C16orf86: variants seen among roughly 807,000 people sequenced by gnomAD.
The protein encoded by C16orf86 is chromosome 16 open reading frame 86, also known as uncharacterized protein C16orf86.
Under a neutral mutation model 21.5 loss-of-function variants are expected in C16orf86, and 19 were observed. The ratio of observed to expected loss-of-function variants is 0.88; its 90% CI spans 0.62 to 1.30. The LOEUF is 1.30. Among genes scored for constraint, C16orf86 ranks in the 50% most tolerant of loss-of-function variants. The pLI is 0.00. For synonymous variants in C16orf86, 188 were observed against 183.5 expected (o/e 1.02, Z -0.20); for missense variants, 391 against 415.8 (o/e 0.94, Z 0.52).
In C16orf86 at chr16:67,667,385, G is replaced by A. The variant is rs1003259727; in HGVS notation, c.192G>A (p.Ser64=). The A allele has an allele frequency of 1.2e-6, 2 of 1,612,678 alleles. No homozygotes were observed. The highest frequency in any genetic ancestry group is 1.1e-5 in the South Asian group (1 of 91,090). ...ACCAGCGCCCAGCAGGCGCAGCTTC[G>A]GAGTCGGAGCTCCAGGAGGAAGGAC... The part of the protein sequence containing the change: ...SEDQRPAGAA[S]ESELQEEGPK... Residue 64 remains serine (S), a synonymous_variant, in exon 2 of 4, where the codon TCG becomes TCA. Transcript: ENST00000403458.
rs2053118847 is a variant in C16orf86, at chr16:67,667,430, G to T, written c.237G>T (p.Arg79=). The T allele has an allele frequency of 1.9e-6, 3 of 1,611,824 alleles. No individual in the cohort carries two copies. The highest frequency in any genetic ancestry group is 3.3e-5 in the Admixed American group (2 of 59,902). Residue 79 remains arginine, a synonymous_variant, in exon 2 of 4, where the codon CGG becomes CGT. Transcript: ENST00000403458. ...AAGGACCCAAGCTGGGGGAGGAGCG[G>T]CCCAAGCCGCATGCCGGGGCGCTAG... ...QEEGPKLGEE[R]PKPHAGALEE... is the part of the protein sequence containing the mutation.
chr16:67,667,496 C>A lies in C16orf86; in HGVS notation c.303C>A (p.Pro101=), dbSNP rs1429028043. The part of the protein sequence containing the change: ...GPRPVVSIVR[P]RHGPKRKPVK... The stretch of plus-strand genomic sequence containing the variant: ...GGCCCGTGGTCTCCATTGTGAGGCC[C>A]CGTCATGGTCCAAAGAGAAAGCCTG... Residue 101 remains proline, a synonymous_variant, in exon 2 of 4, where the codon CCC becomes CCA. Coordinates refer to ENST00000403458, the MANE Select transcript of C16orf86 (RefSeq NM_001012984.3). The A allele has an allele frequency of 6.2e-7, 1 of 1,607,348 alleles. No individual in the cohort carries two copies. The highest frequency in any genetic ancestry group is 1.7e-5 in the Admixed American group (1 of 59,028).
chr16:67,668,235 G>C lies in C16orf86; in HGVS notation c.589G>C (p.Val197Leu), dbSNP rs369814761. The C allele has an allele frequency of 6.3e-6, 10 of 1,593,466 alleles. No homozygotes were observed. Among genetic ancestry groups the C allele is most frequent in the African/African-American group, 1.3e-5 (1 of 74,610 alleles). The stretch of plus-strand genomic sequence containing the variant: ...GCGCCTGCGGCCGCTGTACCAGTAC[G>C]TCAACTATTGCAACCCTGAGCTGAA... ...AQRLRPLYQY[V>L]NYCNPELNQA... The change falls in exon 4 of 4, where the codon GTC becomes CTC. Residue 197 changes from valine to leucine, a missense_variant. Val to Leu is a conservative substitution (Grantham distance 32, BLOSUM62 1). Coordinates refer to ENST00000403458, the MANE Select transcript of C16orf86 (RefSeq NM_001012984.3).
intron 3 of C16orf86, 35 bp downstream of exon 3, chr16:67,668,133 C>T: frequency 1.9e-6 from 3 of 1,599,350 alleles, no homozygotes; most frequent in Non-Finnish European, 2.6e-6. Flanking sequence ...CCTTCTCCCC[C>T]TGCCTGTGGG....
rs1370486372 is a variant in C16orf86, at chr16:67,668,391, G to A, written c.745G>A (p.Ala249Thr). The change falls in exon 4 of 4, where the codon GCT (alanine) becomes ACT (threonine). Residue 249 changes from alanine to threonine, a missense_variant. Transcript: ENST00000403458. The part of the protein sequence containing the change: ...PLAGELGPGL[A>T]LPCPSPLVTP... ...GGCAGGTGAGCTGGGCCCAGGCCTC[G>A]CTTTGCCCTGTCCCAGTCCACTAGT... The A allele has an allele frequency of 1.2e-6, 2 of 1,612,408 alleles. No individual in the cohort carries two copies. The highest frequency in any genetic ancestry group is 1.3e-5 in the African/African-American group (1 of 74,934).
Position 67,667,465 on chromosome 16 carries a change from G to T in C16orf86, c.272G>T (p.Gly91Val), listed in dbSNP as rs765814577. The T allele has an allele frequency of 6.2e-7, 1 of 1,610,858 alleles. No homozygotes were observed. The highest frequency in any genetic ancestry group is 1.1e-5 in the South Asian group (1 of 90,914). ...KPHAGALEER[G>V]PRPVVSIVRP... ...CATGCCGGGGCGCTAGAGGAGAGAGGCCCCAGGCCCGTGGTCTCCATTGTG... is the reference window on the plus strand; with the variant it reads ...CATGCCGGGGCGCTAGAGGAGAGAGTCCCCAGGCCCGTGGTCTCCATTGTG... The change falls in exon 2 of 4, where the codon GGC (glycine) becomes GTC (valine). Residue 91 changes from glycine to valine, a missense_variant. Transcript: ENST00000403458.
At position 67,666,960 on chromosome 16, in the gene C16orf86, C is replaced by T; in HGVS notation, c.-11C>T. Reference sequence around the variant, plus strand: ...AAGCAGCTGTCGAGGACGCACTCAGCCTGCGCAGCCATGGCCTCGGCAGGG... The same window carrying T: ...AAGCAGCTGTCGAGGACGCACTCAGTCTGCGCAGCCATGGCCTCGGCAGGG... On this transcript the variant is annotated 5_prime_UTR_variant, in exon 1 of 4. Transcript: ENST00000403458. 7.0e-7 allele frequency: 1 copy of T among 1,438,342 alleles called. No individual in the cohort carries two copies. Among genetic ancestry groups the T allele is most frequent in the South Asian group, 1.5e-5 (1 of 68,422 alleles). The allele number at this position is 1,438,342 out of a possible 1,614,324, so 89.1% of individuals were successfully genotyped here.
chr16:67,667,014 C>A lies in C16orf86; in HGVS notation c.44C>A (p.Ala15Glu). The change falls in exon 1 of 4, where the codon GCG becomes GAG. Residue 15 changes from alanine (A) to glutamate (E), a missense_variant. Transcript: ENST00000403458. ...GAGAGGCGGCCGGGGGTCCAGGAGGCGACGGTCGTGGGGCAGGGACAGCTC... is the reference window on the plus strand; with the variant it reads ...GAGAGGCGGCCGGGGGTCCAGGAGGAGACGGTCGTGGGGCAGGGACAGCTC... Reference protein sequence around the residue: ...GAERRPGVQEATVVGQGQLTE... With the variant: ...GAERRPGVQEETVVGQGQLTE... 1.0e-5 allele frequency: 15 copies of A among 1,451,756 alleles called. No individual in the cohort carries two copies. Among genetic ancestry groups the A allele is most frequent in the Non-Finnish European group, 1.4e-5 (15 of 1,109,720 alleles). 89.9% of individuals were successfully genotyped at this position (1,451,756 alleles called of 1,614,324 possible).
Position 67,668,250 on chromosome 16 carries a change from C to A in C16orf86, c.604C>A (p.Pro202Thr). Residue 202 changes from proline to threonine, a missense_variant, in exon 4 of 4, where the codon CCT becomes ACT. Physicochemically the swap from Pro to Thr is conservative, Grantham distance 38 (BLOSUM62 -1). Coordinates refer to ENST00000403458, the MANE Select transcript of C16orf86 (RefSeq NM_001012984.3). ...GTACCAGTACGTCAACTATTGCAAC[C>A]CTGAGCTGAACCAGGCAGGGAAGGG... ...PLYQYVNYCN[P>T]ELNQAGKGDG... The A allele has an allele frequency of 6.2e-7, 1 of 1,603,232 alleles. No individual in the cohort carries two copies. Among genetic ancestry groups the A allele is most frequent in the South Asian group, 1.1e-5 (1 of 89,414 alleles).
chr16:67,668,640 G>T lies in C16orf86; in HGVS notation c.*40G>T, dbSNP rs774134979. On this transcript the variant is annotated 3_prime_UTR_variant, in exon 4 of 4. Coordinates refer to ENST00000403458, the MANE Select transcript of C16orf86 (RefSeq NM_001012984.3). Reference sequence around the variant, plus strand: ...TGGTGGCTCCCCTCCTTCCACGCCTGAATTTGGCTTCAGGCTTCCTGTGGG... The same window carrying T: ...TGGTGGCTCCCCTCCTTCCACGCCTTAATTTGGCTTCAGGCTTCCTGTGGG... The T allele has an allele frequency of 6.2e-7, 1 of 1,602,658 alleles. No individual in the cohort carries two copies. The highest frequency in any genetic ancestry group is 8.5e-7 in the Non-Finnish European group (1 of 1,171,820).
Position 67,668,677 on chromosome 16 carries a change from T to A in C16orf86, c.*77T>A. The A allele has an allele frequency of 2.9e-6, 4 of 1,387,056 alleles. No individual in the cohort carries two copies. The highest frequency in any genetic ancestry group is 3.0e-6 in the Non-Finnish European group (3 of 994,302). 85.9% of individuals were successfully genotyped at this position (1,387,056 alleles called of 1,614,324 possible). ...AGGCTTCCTGTGGGCCTAGGCCCTC[T>A]GGTGGCGGGGGCAAATTTGGCACCT... On this transcript the variant is annotated 3_prime_UTR_variant, in exon 4 of 4. Coordinates refer to ENST00000403458, the MANE Select transcript of C16orf86 (RefSeq NM_001012984.3).
In C16orf86 at chr16:67,668,044, C is replaced by T; in HGVS notation, c.499C>T (p.Leu167Phe). 1.2e-6 allele frequency: 2 copies of T among 1,612,838 alleles called. No individual in the cohort carries two copies. The highest frequency in any genetic ancestry group is 2.2e-5 in the East Asian group (1 of 44,762). ...KKRKSLGAPV[L>F]HAVASMVSAP... ...GCGCAAGAGCCTGGGGGCTCCCGTGCTCCACGCTGTGGCCAGCATGGTGTC... is the reference window on the plus strand; with the variant it reads ...GCGCAAGAGCCTGGGGGCTCCCGTGTTCCACGCTGTGGCCAGCATGGTGTC... Residue 167 changes from leucine to phenylalanine, a missense_variant, in exon 3 of 4, where the codon CTC becomes TTC. Physicochemically the swap from Leu to Phe is conservative, Grantham distance 22. Coordinates refer to ENST00000403458, the MANE Select transcript of C16orf86 (RefSeq NM_001012984.3).
rs199672124 is a variant in C16orf86, at chr16:67,667,994, C to G, written c.449C>G (p.Ala150Gly). 6.2e-7 allele frequency: 1 copy of G among 1,613,600 alleles called. No individual in the cohort carries two copies. Among genetic ancestry groups the G allele is most frequent in the African/African-American group, 1.3e-5 (1 of 75,076 alleles). The change falls in exon 3 of 4, where the codon GCC becomes GGC. Residue 150 changes from alanine to glycine, a missense_variant. Coordinates refer to ENST00000403458, the MANE Select transcript of C16orf86 (RefSeq NM_001012984.3). Reference sequence around the variant, plus strand: ...AGCCAGAGTGAGCCCTCACCATCTGCCAAACAGCACAAAAAAGCCAAGAAG... The same window carrying G: ...AGCCAGAGTGAGCCCTCACCATCTGGCAAACAGCACAAAAAAGCCAAGAAG... ...EDSQSEPSPS[A>G]KQHKKAKKRK...
Position 67,668,263 on chromosome 16 carries a change from A to C in C16orf86, c.617A>C (p.Gln206Pro). The change falls in exon 4 of 4, where the codon CAG (glutamine) becomes CCG (proline). Residue 206 changes from glutamine (Q) to proline (P), a missense_variant. Gln to Pro is a moderately conservative substitution (Grantham distance 76). Coordinates refer to ENST00000403458, the MANE Select transcript of C16orf86 (RefSeq NM_001012984.3). ...AACTATTGCAACCCTGAGCTGAACC[A>C]GGCAGGGAAGGGGGACGGGGAGGCT... is the stretch of plus-strand genomic sequence containing the variant. Reference protein sequence around the residue: ...YVNYCNPELNQAGKGDGEAEV... With the variant: ...YVNYCNPELNPAGKGDGEAEV... The C allele has an allele frequency of 6.2e-7, 1 of 1,608,010 alleles. No homozygotes were observed. The highest frequency in any genetic ancestry group is 8.5e-7 in the Non-Finnish European group (1 of 1,177,376).
At chr16:67,667,712 G>C (rs2053123322) in intron 2 of C16orf86, 166 bp from the exon 3 acceptor site, 1 of 1,527,120 alleles carries the variant, frequency 6.5e-7, no homozygotes, top group East Asian at 2.5e-5. Context: ...AGGGCTTGTA[G>C]GGGCCTGGGC....
chr16:67,667,237 A>C (rs2053116400), intron 1 of C16orf86, 59 bp from the exon 2 acceptor site: 10 of 1,540,456 alleles, frequency 6.5e-6, no homozygotes, highest in Non-Finnish European at 8.9e-6. Context: ...GTGTTCAGTG[A>C]CGGATCCCTA....
chr16:67,668,159 A>G, intron 3 of C16orf86, 41 bp from the exon 4 acceptor site: 1 of 1,589,076 alleles, frequency 6.3e-7, no homozygotes. Context: ...ACATGGCACA[A>G]CCTGGCGCTC....
rs766528383 is a variant in C16orf86 at position 67,668,035 on chromosome 16, G to T, written c.490G>T (p.Ala164Ser). 2.5e-6 allele frequency: 4 copies of T among 1,613,446 alleles called. No individual in the cohort carries two copies. The highest frequency in any genetic ancestry group is 2.2e-5 in the South Asian group (2 of 91,092). ...KKAKKRKSLG[A>S]PVLHAVASMV... ...AGCCAAGAAGCGCAAGAGCCTGGGG[G>T]CTCCCGTGCTCCACGCTGTGGCCAG... The change falls in exon 3 of 4, where the codon GCT (alanine) becomes TCT (serine). Residue 164 changes from alanine to serine, a missense_variant. Ala to Ser is a moderately conservative substitution (Grantham distance 99). Coordinates refer to ENST00000403458, the MANE Select transcript of C16orf86 (RefSeq NM_001012984.3).
rs2053138513 is a variant in C16orf86, at chr16:67,668,661, G to A, written c.*61G>A. 1 of 1,541,688 alleles carries A rather than the reference G, an allele frequency of 6.5e-7. No homozygotes were observed. On this transcript the variant is annotated 3_prime_UTR_variant, in exon 4 of 4. Coordinates refer to ENST00000403458, the MANE Select transcript of C16orf86 (RefSeq NM_001012984.3). ...GCCTGAATTTGGCTTCAGGCTTCCT[G>A]TGGGCCTAGGCCCTCTGGTGGCGGG... is the stretch of plus-strand genomic sequence containing the variant.
Sources: allele counts gnomAD v4.1 joint callset, GRCh38; gene constraint gnomAD v4.1.1; transcripts MANE v1.5; gene names NCBI Gene and HGNC (gene_info 2026-07-23, HGNC 2026-07-21).